CAPN13: variants seen among roughly 807,000 people sequenced by gnomAD.
The protein encoded by CAPN13 is calpain-13.
CAPN13 carries 90 observed loss-of-function variants against 98.4 expected under a neutral mutation model. The ratio of observed to expected loss-of-function variants is 0.92; its 90% CI spans 0.77 to 1.09. The LOEUF is 1.09. Among genes scored for constraint, CAPN13 ranks in the 50% least tolerant of loss-of-function variants. The probability of loss-of-function intolerance (pLI) is 0.00; values close to 1 mark genes in which losing one functional copy is unlikely to be tolerated. For missense variants in CAPN13, 887 were observed against 841.3 expected, an observed-to-expected ratio of 1.05 and a Z score of -0.67; for synonymous variants, 330 against 305.5, an observed-to-expected ratio of 1.08 and a Z score of -0.84.
chr2:30,776,508 C>T (rs1205584321), intron 3 of CAPN13, among the ~76,000 whole-genome samples: 2 of 152,196 alleles, frequency 1.3e-5, no homozygotes, highest in African/African-American at 4.8e-5. Context: ...CCAGCACGTC[C>T]AGCCTCTGAT....
At chr2:30,752,862 A>T (rs1672245652) in intron 10 of CAPN13, among the ~76,000 whole-genome samples, 191 bp downstream of exon 10, 1 of 152,208 alleles carries the variant, frequency 6.6e-6, no homozygotes, top group South Asian at 2.1e-4. Flanking sequence ...GAGATTCTCC[A>T]ACTTGGCCCC....
intron 4 of CAPN13, 142 bp from the exon 5 acceptor site, chr2:30,770,591 G>A: frequency 9.7e-7 from 1 of 1,030,468 alleles, no homozygotes; most frequent in Non-Finnish European, 1.4e-6. Context: ...AGCCCAGGTT[G>A]CCAGGCAGGA....
chr2:30,788,058 C>G (rs6709502), intron 1 of CAPN13, among the ~76,000 whole-genome samples: 3 of 151,796 alleles, frequency 2.0e-5, no homozygotes, highest in South Asian at 4.1e-4. Flanking sequence ...TTTGGTGTAA[C>G]TTTATAGGTG....
chr2:30,762,642 T>A (rs1359939388), intron 7 of CAPN13, among the ~76,000 whole-genome samples: 1 of 152,228 alleles, frequency 6.6e-6, no homozygotes, highest in Non-Finnish European at 1.5e-5. Flanking sequence ...TGGCATCACC[T>A]GCTTACCTGA....
intron 2 of CAPN13, among the ~76,000 whole-genome samples, chr2:30,786,864 T>G (rs915618234): frequency 6.6e-6 from 1 of 152,208 alleles, no homozygotes; most frequent in African/African-American, 2.4e-5. Context: ...TGGTTTCCCA[T>G]TTTTTGGATG....
intron 18 of CAPN13, among the ~76,000 whole-genome samples, chr2:30,736,234 C>G (rs2593437): frequency 0.42 from 59,460 of 143,180 alleles, 13,672 homozygotes; most frequent in African/African-American, 0.61. Flanking sequence ...GGGGTGGGGG[C>G]AGATGCTAGC....
At chr2:30,734,134 G>A (rs1359964138) in intron 19 of CAPN13, among the ~76,000 whole-genome samples, 1 of 152,208 alleles carries the variant, frequency 6.6e-6, no homozygotes, top group Non-Finnish European at 1.5e-5. Flanking sequence ...CTGGAAGCGC[G>A]TCTCCAAGGC....
In CAPN13 at chr2:30,732,555, C is replaced by T. The variant is rs1198201516; in HGVS notation, c.1810G>A (p.Gly604Arg). 3.1e-6 allele frequency: 5 copies of T among 1,608,452 alleles called. No individual in the cohort carries two copies. In the East Asian group the frequency reaches 6.7e-5, roughly 22 times the overall value. ...KAIENTDFLR[G>R]IFISRELLHL... ...AGCAGCTCACGGCTGATGAAGATCC[C>T]TCTGAGGAAGTCTGGGGCCACAGGT... The change falls in exon 20 of 23, where the codon GGG becomes AGG. Residue 604 changes from glycine to arginine, a missense_variant. By Grantham distance (125) the Gly-to-Arg change is moderately radical (BLOSUM62 -2). Transcript: ENST00000295055.
intron 22 of CAPN13, among the ~76,000 whole-genome samples, chr2:30,723,726 C>T (rs1019659695): frequency 2.6e-5 from 4 of 152,140 alleles, no homozygotes; most frequent in Admixed American, 1.3e-4. Flanking sequence ...AAGTGACATT[C>T]GTGCATAGTC....
intron 1 of CAPN13, among the ~76,000 whole-genome samples, chr2:30,804,349 T>C (rs1172701637): frequency 1.3e-5 from 2 of 152,156 alleles, no homozygotes; most frequent in African/African-American, 4.8e-5. Flanking sequence ...TACAGGTGCA[T>C]GCTACCATGC....
At chr2:30,766,943 G>C (rs934447208) in intron 5 of CAPN13, among the ~76,000 whole-genome samples, 6 of 152,206 alleles carry the variant, frequency 3.9e-5, no homozygotes, top group African/African-American at 1.4e-4. Context: ...TGCACCCTTG[G>C]AGGGAAGAGG....
chr2:30,792,738 C>T (rs767587737), intron 1 of CAPN13, among the ~76,000 whole-genome samples: 15 of 151,540 alleles, frequency 9.9e-5, no homozygotes, highest in Admixed American at 3.9e-4. Flanking sequence ...AAAAACGAAA[C>T]CTCATAAAGA....
intron 18 of CAPN13, among the ~76,000 whole-genome samples, chr2:30,734,916 C>G (rs550540525): frequency 3.1e-4 from 47 of 152,336 alleles, no homozygotes; most frequent in African/African-American, 1.1e-3. Flanking sequence ...TTGGCCATGA[C>G]TTAATCTTCC....
intron 7 of CAPN13, among the ~76,000 whole-genome samples, chr2:30,761,604 G>C (rs1378410859): frequency 6.6e-6 from 1 of 152,166 alleles, no homozygotes; most frequent in African/African-American, 2.4e-5. Flanking sequence ...AAAGGATCTT[G>C]TCCAAGAATG....
Position 30,734,519 on chromosome 2 carries a change from A to G in CAPN13, c.1728T>C (p.Val576=), listed in dbSNP as rs1281845383. 1.2e-6 allele frequency: 2 copies of G among 1,613,480 alleles called. No individual in the cohort carries two copies. Among genetic ancestry groups the G allele is most frequent in the Non-Finnish European group, 1.7e-6 (2 of 1,179,554 alleles). The change falls in exon 19 of 23, where the codon GTT becomes GTC. Residue 576 remains valine, a synonymous_variant. Transcript: ENST00000295055. The part of the protein sequence containing the change: ...LWKRLVHYQH[V]FQKVQTSPGV... Reference sequence around the variant, plus strand: ...CAGGGCTTGTCTGAACCTTCTGGAAAACATGCTAATAGGGGAAGAGAAGCA... The same window carrying G: ...CAGGGCTTGTCTGAACCTTCTGGAAGACATGCTAATAGGGGAAGAGAAGCA...
chr2:30,756,041 G>A (rs554445738), intron 8 of CAPN13, among the ~76,000 whole-genome samples: 6 of 152,210 alleles, frequency 3.9e-5, no homozygotes, highest in Admixed American at 2.6e-4. Context: ...GGTTTCTGGT[G>A]CAAAGTGGCG....
intron 2 of CAPN13, among the ~76,000 whole-genome samples, chr2:30,780,369 C>A (rs972713552): frequency 6.6e-6 from 1 of 152,234 alleles, no homozygotes; most frequent in African/African-American, 2.4e-5. Context: ...AATTTGTTAT[C>A]ATCGTATAGT....
intron 11 of CAPN13, among the ~76,000 whole-genome samples, chr2:30,749,604 T>A (rs974863915): frequency 2.0e-5 from 3 of 152,202 alleles, no homozygotes; most frequent in Non-Finnish European, 2.9e-5. Context: ...ACCTCTGATA[T>A]CCCTGGTGCT....
intron 22 of CAPN13, among the ~76,000 whole-genome samples, chr2:30,726,473 T>G (rs1296408613): frequency 6.6e-6 from 1 of 152,200 alleles, no homozygotes; most frequent in Non-Finnish European, 1.5e-5. Context: ...CTTTTGAATA[T>G]ATAAAATTCT....
Sources: allele counts gnomAD v4.1 joint callset (sites outside exome capture counted in the v4.1 genomes callset), GRCh38; gene constraint gnomAD v4.1.1; transcripts MANE v1.5; gene names NCBI Gene and HGNC (gene_info 2026-07-23, HGNC 2026-07-21).